The following ZNF730 variants were observed in gnomAD, a reference collection of about 807,000 sequenced individuals.
ZNF730 encodes the protein putative zinc finger protein 730.
A neutral mutation model predicts 12.6 loss-of-function variants in ZNF730; 12 were observed. The ratio of observed to expected loss-of-function variants is 0.95; its 90% CI spans 0.61 to 1.54. The LOEUF (loss-of-function observed/expected upper bound fraction) is 1.54, where lower values mean the gene tolerates loss of function less well. ZNF730 is among the 40% of genes most tolerant of loss of function. The pLI is 0.00. For synonymous variants in ZNF730, 194 were observed against 195.8 expected, an observed-to-expected ratio of 0.99 and a Z score of 0.08; for missense variants, 643 against 583.5, an observed-to-expected ratio of 1.10 and a Z score of -1.05.
chr19:23,142,145 C>A (rs1277730966), intron 3 of ZNF730, among the ~76,000 whole-genome samples: 1 of 151,776 alleles, frequency 6.6e-6, no homozygotes, highest in Non-Finnish European at 1.5e-5. Context: ...TTTTTGAGGT[C>A]CTATTTTGTC....
intron 1 of ZNF730, among the ~76,000 whole-genome samples, chr19:23,078,501 C>T (rs982370002): frequency 5.3e-5 from 8 of 152,028 alleles, no homozygotes; most frequent in Non-Finnish European, 7.4e-5. Context: ...GATATTTGTT[C>T]ACGTGTTTTC....
chr19:23,127,829 A>G (rs1970689115), intron 1 of ZNF730: 1 of 676,784 alleles, frequency 1.5e-6, no homozygotes, highest in Non-Finnish European at 2.7e-6. Flanking sequence ...TGTGTAACAA[A>G]CAAATATTGT....
intron 1 of ZNF730, among the ~76,000 whole-genome samples, chr19:23,078,583 G>A (rs1283918576): frequency 6.6e-6 from 1 of 152,134 alleles, no homozygotes; most frequent in African/African-American, 2.4e-5. Flanking sequence ...TAGAGATAAT[G>A]ATCAATAAAT....
At chr19:23,095,161 T>G (rs1970227405) in intron 1 of ZNF730, 2 of 386,952 alleles carry the variant, frequency 5.2e-6, no homozygotes, top group Non-Finnish European at 9.1e-6. Flanking sequence ...TGAGGTAATG[T>G]GACTATCTTA....
intron 1 of ZNF730, among the ~76,000 whole-genome samples, chr19:23,124,875 G>A (rs1970642493): frequency 6.6e-6 from 1 of 152,162 alleles, no homozygotes. Flanking sequence ...TTTTAGTCTA[G>A]ACTAGTGATA....
At chr19:23,140,630 A>C (rs549989564) in intron 3 of ZNF730, among the ~76,000 whole-genome samples, 66 of 148,140 alleles carry the variant, frequency 4.5e-4, no homozygotes, top group Non-Finnish European at 8.8e-4. Context: ...AAAAAGATGT[A>C]AAAACATATA....
intron 1 of ZNF730, among the ~76,000 whole-genome samples, chr19:23,102,720 T>G (rs973980400): frequency 6.6e-6 from 1 of 151,992 alleles, no homozygotes; most frequent in Non-Finnish European, 1.5e-5. Flanking sequence ...GGTCTCGAGC[T>G]CCGTACTTCA....
chr19:23,145,342 C>A lies in ZNF730; in HGVS notation c.298C>A (p.Leu100Met). Residue 100 changes from leucine to methionine, a missense_variant, in exon 4 of 4, where the codon CTG becomes ATG. Coordinates refer to ENST00000597761, the MANE Select transcript of ZNF730 (RefSeq NM_001277403.2). Reference sequence around the variant, plus strand: ...AAAAGATTATTTCCAAGAAGTCATACTGAGACAATATAAAAAATGTAGACA... The same window carrying A: ...AAAAGATTATTTCCAAGAAGTCATAATGAGACAATATAAAAAATGTAGACA... ...GIKDYFQEVI[L>M]RQYKKCRHEN... 6.3e-7 allele frequency: 1 copy of A among 1,598,066 alleles called. No individual in the cohort carries two copies. The highest frequency in any genetic ancestry group is 1.3e-5 in the African/African-American group (1 of 74,474).
Position 23,145,940 on chromosome 19 carries a change from T to G in ZNF730, c.896T>G (p.Leu299Arg). The change falls in exon 4 of 4, where the codon CTT (leucine) becomes CGT (arginine). Residue 299 changes from leucine to arginine, a missense_variant. Coordinates refer to ENST00000597761, the MANE Select transcript of ZNF730 (RefSeq NM_001277403.2). ...CGKAFNQSSN[L>R]TEHKKIHTKE... is the part of the protein sequence containing the mutation. ...AAAGCCTTTAACCAGTCCTCAAACC[T>G]TACTGAACATAAGAAAATTCATACT... 2 of 1,608,258 alleles carry G rather than the reference T, an allele frequency of 1.2e-6. No individual in the cohort carries two copies. The highest frequency in any genetic ancestry group is 1.7e-6 in the Non-Finnish European group (2 of 1,178,740).
At chr19:23,081,563 A>T (rs1599563664) in intron 1 of ZNF730, among the ~76,000 whole-genome samples, 1 of 151,802 alleles carries the variant, frequency 6.6e-6, no homozygotes, top group Non-Finnish European at 1.5e-5. Context: ...CAGGTGATCC[A>T]CCCGCCTCGG....
Position 23,145,706 on chromosome 19 carries a change from G to T in ZNF730, c.662G>T (p.Arg221Ile). 6.4e-7 allele frequency: 1 copy of T among 1,554,684 alleles called. No homozygotes were observed. The highest frequency in any genetic ancestry group is 1.2e-5 in the South Asian group (1 of 84,680). The change falls in exon 4 of 4, where the codon AGA (arginine) becomes ATA (isoleucine). Residue 221 changes from arginine to isoleucine, a missense_variant. Coordinates refer to ENST00000597761, the MANE Select transcript of ZNF730 (RefSeq NM_001277403.2). Reference sequence around the variant, plus strand: ...TCCTCAAACTGTACTACACATAAAAGAATTACTGAGAAAAAACCTTACAAA... The same window carrying T: ...TCCTCAAACTGTACTACACATAAAATAATTACTGAGAAAAAACCTTACAAA... ...NESSNCTTHKRITEKKPYKCK... is the reference protein window; with the variant it reads ...NESSNCTTHKIITEKKPYKCK...
At chr19:23,137,493 T>C (rs771216222) in intron 3 of ZNF730, among the ~76,000 whole-genome samples, 5 of 152,204 alleles carry the variant, frequency 3.3e-5, no homozygotes, top group Non-Finnish European at 5.9e-5. Context: ...CTGTTTATGG[T>C]TTTTTATATA....
At chr19:23,104,951 C>CT (rs527252146) in intron 1 of ZNF730, among the ~76,000 whole-genome samples, 145 of 152,232 alleles carry the variant, frequency 9.5e-4, no homozygotes, top group African/African-American at 3.5e-3. Flanking sequence ...CATGGCTGTG[C>CT]TCAGCTTTAG....
intron 1 of ZNF730, chr19:23,126,975 T>G (rs1287166798): frequency 1.2e-5 from 6 of 507,944 alleles, no homozygotes; most frequent in South Asian, 7.6e-5. Context: ...TCTTGTTTTA[T>G]CAAACATTTC....
chr19:23,139,075 A>ACC, intron 3 of ZNF730, among the ~76,000 whole-genome samples: 1 of 152,190 alleles, frequency 6.6e-6, no homozygotes, highest in African/African-American at 2.4e-5. Flanking sequence ...AGTAAATTAG[A>ACC]TAATTAGTAG....
upstream of ZNF730, among the ~76,000 whole-genome samples, chr19:23,114,300 CTTTTCTTTT>C (rs1363266530): frequency 1.4e-3 from 172 of 119,530 alleles, 3 homozygotes; most frequent in African/African-American, 5.8e-3. Flanking sequence ...TTTTCTTTTT[CTTTTCTTTT>C]TTTTTTTTTT....
At position 23,146,919 on chromosome 19, in the gene ZNF730, C is replaced by T; in HGVS notation, c.*363C>T. 2.2e-6 allele frequency: 1 copy of T among 464,954 alleles called. No individual in the cohort carries two copies. Among genetic ancestry groups the T allele is most frequent in the Admixed American group, 3.6e-5 (1 of 28,042 alleles). The allele number at this position is 464,954 out of a possible 1,614,324, so 28.8% of individuals were successfully genotyped here. On this transcript the variant is annotated 3_prime_UTR_variant, in exon 4 of 4. Coordinates refer to ENST00000597761, the MANE Select transcript of ZNF730 (RefSeq NM_001277403.2). ...AAAGTTTTAACAGTGCTTTTGACAACACCTCAAACTTTTCCAGATGTCAAA... is the reference window on the plus strand; with the variant it reads ...AAAGTTTTAACAGTGCTTTTGACAATACCTCAAACTTTTCCAGATGTCAAA...
rs570169306 is a variant in ZNF730, at chr19:23,090,248, GA to G, written c.-94+14874del. ...CAACAAAATGAGACTCCATCTCAAA[GA>G]AAAAAAAAAAAATCCCAGCTGAGGT... On this transcript the variant is annotated intron_variant, in intron 1 of 2. Transcript: ENST00000593635. Among the ~76,000 whole-genome samples, 502 of 141,248 alleles carry G rather than the reference GA, an allele frequency of 3.6e-3. 3 individuals carry two copies. The highest frequency in any genetic ancestry group is 0.01 in the African/African-American group (407 of 38,928). 92.7% of individuals were successfully genotyped at this position (141,248 alleles called of 152,430 possible). A position where few individuals can be genotyped will look rare whatever the true frequency, so the allele number is the denominator to read the frequency against.
chr19:23,094,356 C>CTATCTATCTA (rs1970211551), intron 1 of ZNF730, among the ~76,000 whole-genome samples: 1 of 148,738 alleles, frequency 6.7e-6, no homozygotes, highest in Non-Finnish European at 1.5e-5. Flanking sequence ...CCATGCCTGG[C>CTATCTATCTA]TCTATCTATC....
Sources: allele counts gnomAD v4.1 joint callset (sites outside exome capture counted in the v4.1 genomes callset), GRCh38; gene constraint gnomAD v4.1.1; transcripts MANE v1.5; gene names NCBI Gene and HGNC (gene_info 2026-07-23, HGNC 2026-07-21).